Variants in VPS50 observed in about 807,000 individuals in gnomAD.
VPS50 encodes syndetin.
VPS50 carries 70 observed loss-of-function variants against 139.7 expected under a neutral mutation model. That is an observed-to-expected ratio of 0.50 (90% confidence interval 0.41 to 0.61). VPS50 has a LOEUF of 0.61. Ranked by LOEUF, VPS50 falls within the 20% of genes least tolerant of loss-of-function variation. The pLI is 0.00. For missense variants in VPS50, 921 were observed against 1,133.7 expected, an observed-to-expected ratio of 0.81 and a Z score of 2.69; for synonymous variants, 365 against 376.7, an observed-to-expected ratio of 0.97 and a Z score of 0.36.
Position 93,359,359 on chromosome 7 carries a change from C to T in VPS50, c.*923C>T, listed in dbSNP as rs1798789351. On this transcript the variant is annotated 3_prime_UTR_variant, in exon 28 of 28. Transcript: ENST00000305866. ...ATAAATGTACGGTCATATGTTCACT[C>T]TTCTTAAATATCCACCTTTTATAAC... 1.3e-5 allele frequency: 2 copies of T among 152,122 alleles called. No homozygotes were observed. The highest frequency in any genetic ancestry group is 2.1e-4 in the South Asian group (1 of 4,828). 9.4% of individuals were successfully genotyped at this position (152,122 alleles called of 1,614,324 possible).
intron 21 of VPS50, among the ~76,000 whole-genome samples, chr7:93,324,827 A>G (rs1260104612): frequency 3.3e-5 from 5 of 152,228 alleles, no homozygotes; most frequent in Non-Finnish European, 5.9e-5. Context: ...TTCCATGCTC[A>G]TGGGTAGGAA....
At chr7:93,334,370 C>G (rs1373718044) in intron 22 of VPS50, among the ~76,000 whole-genome samples, 173 bp downstream of exon 22, 1 of 152,092 alleles carries the variant, frequency 6.6e-6, no homozygotes, top group Admixed American at 6.5e-5. Flanking sequence ...CAGAGAGAAA[C>G]TAGTATACAT....
At chr7:93,316,895 C>A (rs1234092467) in intron 20 of VPS50, among the ~76,000 whole-genome samples, 1 of 152,134 alleles carries the variant, frequency 6.6e-6, no homozygotes, top group Non-Finnish European at 1.5e-5. Context: ...TTGGCAGAGG[C>A]TCTTAACAAT....
rs1481762383 is a variant in VPS50 at position 93,305,839 on chromosome 7, C to T, written c.1464C>T (p.Phe488=). The change falls in exon 18 of 28, where the codon TTC becomes TTT. Residue 488 remains phenylalanine, a synonymous_variant. Transcript: ENST00000305866. ...TTTTTAACATCTAGGAATTTAAATT[C>T]ATGGAACAGTCTCGCTCCCCATCAG... The part of the protein sequence containing the change: ...FSILQLHEFK[F]MEQSRSPSVS... The T allele has an allele frequency of 6.2e-7, 1 of 1,611,758 alleles. No homozygotes were observed. Among genetic ancestry groups the T allele is most frequent in the Admixed American group, 1.7e-5 (1 of 59,886 alleles).
At chr7:93,354,687 T>A (rs1798654005) in intron 26 of VPS50, among the ~76,000 whole-genome samples, 1 of 152,136 alleles carries the variant, frequency 6.6e-6, no homozygotes, top group Non-Finnish European at 1.5e-5. Flanking sequence ...ACTCTATAAA[T>A]CTTTCATGTG....
At position 93,232,375 on chromosome 7, in the gene VPS50, C is replaced by T. The variant is rs1381811411; in HGVS notation, c.-93C>T. 2.8e-6 allele frequency: 3 copies of T among 1,067,750 alleles called. No individual in the cohort carries two copies. The highest frequency in any genetic ancestry group is 3.1e-5 in the African/African-American group (2 of 64,250). 66.1% of individuals were successfully genotyped at this position (1,067,750 alleles called of 1,614,324 possible). ...GGGTCGGCTCCTCCACGTGACCACC[C>T]ACTATGGCTTCCTAGTGTCAGGGCC... On this transcript the variant is annotated 5_prime_UTR_variant, in exon 1 of 28. Transcript: ENST00000305866.
chr7:93,356,533 T>C (rs1798711904), intron 27 of VPS50, among the ~76,000 whole-genome samples: 1 of 152,204 alleles, frequency 6.6e-6, no homozygotes, highest in African/African-American at 2.4e-5. Flanking sequence ...TGACACGTAT[T>C]AGTGATGAGT....
chr7:93,235,283 T>C (rs553994416), intron 1 of VPS50, among the ~76,000 whole-genome samples: 1 of 152,234 alleles, frequency 6.6e-6, no homozygotes, highest in African/African-American at 2.4e-5. Flanking sequence ...TGAGGTTAGA[T>C]GACTGAAGGC....
intron 21 of VPS50, among the ~76,000 whole-genome samples, chr7:93,333,129 A>G (rs1426540340): frequency 6.6e-6 from 1 of 152,182 alleles, no homozygotes; most frequent in Admixed American, 6.5e-5. Flanking sequence ...TAGAAGAAAA[A>G]TGGATTAATG....
At chr7:93,304,711 G>C (rs563167320) in intron 17 of VPS50, among the ~76,000 whole-genome samples, 1 of 151,760 alleles carries the variant, frequency 6.6e-6, no homozygotes, top group East Asian at 1.9e-4. Context: ...TTTTAAAAAA[G>C]GCATGTTGAA....
chr7:93,300,361 G>A (rs1315408077), intron 16 of VPS50, among the ~76,000 whole-genome samples: 4 of 152,146 alleles, frequency 2.6e-5, no homozygotes, highest in African/African-American at 9.6e-5. Context: ...GGCCAGCATA[G>A]CATTGATACC....
Position 93,258,203 on chromosome 7 carries a change from G to T in VPS50, c.467G>T (p.Gly156Val), listed in dbSNP as rs1795549379. The T allele has an allele frequency of 6.3e-7, 1 of 1,596,386 alleles. No individual in the cohort carries two copies. Among genetic ancestry groups the T allele is most frequent in the South Asian group, 1.1e-5 (1 of 90,662 alleles). Residue 156 changes from glycine to valine, a missense_variant, in exon 7 of 28, where the codon GGC becomes GTC. Physicochemically the swap from Gly to Val is moderately radical, Grantham distance 109. Transcript: ENST00000305866. ...GAAGGTTTTACTCAAGCTAGTTTAG[G>T]CCTTCTTGCAAATCAAAGGAAACGT... ...AKEGFTQASL[G>V]LLANQRKRQL...
chr7:93,290,000 T>C (rs1796603847), intron 12 of VPS50, among the ~76,000 whole-genome samples: 2 of 152,038 alleles, frequency 1.3e-5, no homozygotes, highest in South Asian at 4.1e-4. Context: ...TTCTTGGTTT[T>C]CAATCATTTC....
rs759015040 is a variant in VPS50 at position 93,276,175 on chromosome 7, A to G, written c.812A>G (p.Asp271Gly). ...RLLGKTQTAM[D>G]QLHMHFTQAI... ...TTTTTCTTTCCACAGACAGCAATGG[A>G]TCAACTTCATATGCACTTCACCCAA... The change falls in exon 12 of 28, where the codon GAT becomes GGT. Residue 271 changes from aspartate to glycine, a missense_variant. Asp to Gly is a moderately conservative substitution (Grantham distance 94). Transcript: ENST00000305866. 6.2e-7 allele frequency: 1 copy of G among 1,609,886 alleles called. No individual in the cohort carries two copies. Among genetic ancestry groups the G allele is most frequent in the Non-Finnish European group, 8.5e-7 (1 of 1,178,024 alleles).
At chr7:93,232,644 C>T (rs1794669962) in intron 1 of VPS50, 144 bp downstream of exon 1, 1 of 730,148 alleles carries the variant, frequency 1.4e-6, no homozygotes, top group East Asian at 2.7e-5. Flanking sequence ...CGGGGCATAC[C>T]CTAGAAAACT....
chr7:93,256,473 CTTTT>C (rs777356669), intron 4 of VPS50, 32 bp from the exon 5 acceptor site: 1 of 1,021,902 alleles, frequency 9.8e-7, no homozygotes, highest in East Asian at 2.8e-5. Flanking sequence ...GAAGTTTGTT[CTTTT>C]ATTTCCTTTG....
chr7:93,294,463 G>A, intron 13 of VPS50, 82 bp from the exon 14 acceptor site: 1 of 1,209,022 alleles, frequency 8.3e-7, no homozygotes, highest in Non-Finnish European at 1.1e-6. Flanking sequence ...CTTACAATGT[G>A]TGAGAGGCCA....
At chr7:93,262,865 A>G (rs1478210154) in intron 9 of VPS50, among the ~76,000 whole-genome samples, 1 of 152,168 alleles carries the variant, frequency 6.6e-6, no homozygotes, top group Non-Finnish European at 1.5e-5. Context: ...TCTTTTGTTT[A>G]TATGGGAGAA....
intron 24 of VPS50, among the ~76,000 whole-genome samples, 171 bp downstream of exon 24, chr7:93,348,978 C>T (rs556339154): frequency 2.0e-5 from 3 of 152,192 alleles, no homozygotes; most frequent in East Asian, 1.9e-4. Flanking sequence ...TACATACTAT[C>T]GAGCACCTCA....
Sources: allele counts gnomAD v4.1 joint callset (sites outside exome capture counted in the v4.1 genomes callset), GRCh38; gene constraint gnomAD v4.1.1; transcripts MANE v1.5; gene names NCBI Gene and HGNC (gene_info 2026-07-23, HGNC 2026-07-21).